Variants in RNF157 observed in about 807,000 individuals in gnomAD.
The protein encoded by RNF157 is E3 ubiquitin ligase RNF157.
A neutral mutation model predicts 88.3 loss-of-function variants in RNF157; 55 were observed. The observed-to-expected ratio is 0.62, with a 90% CI of 0.50 to 0.78. The LOEUF is 0.78. Ranked by LOEUF, RNF157 falls within the 30% of genes least tolerant of loss-of-function variation. The probability of loss-of-function intolerance (pLI) is 0.00; values close to 1 mark genes in which losing one functional copy is unlikely to be tolerated. For missense variants in RNF157, 788 were observed against 860.8 expected (o/e 0.92, Z 1.06); for synonymous variants, 334 against 341.2 (o/e 0.98, Z 0.23).
rs573747658 is a variant in RNF157, at chr17:76,160,212, T to C, written c.1066-639A>G. On this transcript the variant is annotated intron_variant, in intron 11 of 18. Coordinates refer to ENST00000269391, the MANE Select transcript of RNF157 (RefSeq NM_052916.3). The surrounding 1 kb of genome is among the most constrained non-coding windows in gnomAD (Gnocchi z 4.3). The stretch of plus-strand genomic sequence containing the variant: ...AGTTTTCTAACTATTCTCCTAGTGC[T>C]GGGAATCTAGTTGTGTCTAACACAT... Among the ~76,000 whole-genome samples, 8 of 152,260 alleles carry C rather than the reference T, an allele frequency of 5.3e-5. No individual in the cohort carries two copies. The highest frequency in any genetic ancestry group is 7.3e-5 in the Non-Finnish European group (5 of 68,048).
Position 76,167,132 on chromosome 17 carries a change from G to C in RNF157, c.444-6C>G. ...TGTTGTCTTTGGGAATGTAGCTATTGATACAAGTGGGAGGCAAAGCAAAAG... is the reference window on the plus strand; with the variant it reads ...TGTTGTCTTTGGGAATGTAGCTATTCATACAAGTGGGAGGCAAAGCAAAAG... On this transcript the variant is annotated splice_polypyrimidine_tract_variant and splice_region_variant and intron_variant, in intron 4 of 18. Coordinates refer to ENST00000269391, the MANE Select transcript of RNF157 (RefSeq NM_052916.3). 1 of 1,607,464 alleles carries C rather than the reference G, an allele frequency of 6.2e-7. No homozygotes were observed. Among genetic ancestry groups the C allele is most frequent in the Non-Finnish European group, 8.5e-7 (1 of 1,175,454 alleles).
chr17:76,220,173 C>G (rs2069956456), intron 1 of RNF157, among the ~76,000 whole-genome samples: 1 of 151,948 alleles, frequency 6.6e-6, no homozygotes, highest in East Asian at 1.9e-4. Context: ...AGGCCACATT[C>G]CAAGTCTGTG....
At chr17:76,162,242 A>T (rs574301085) in intron 9 of RNF157, 16 of 581,462 alleles carry the variant, frequency 2.8e-5, no homozygotes, top group South Asian at 2.4e-4. Flanking sequence ...TATAAGGCCC[A>T]GAGCTGGGCC....
chr17:76,178,883 G>A (rs895013169), intron 2 of RNF157, among the ~76,000 whole-genome samples: 1 of 151,856 alleles, frequency 6.6e-6, no homozygotes, highest in African/African-American at 2.4e-5. Context: ...GTTTGAACAC[G>A]TTCTACCTTT....
chr17:76,209,964 T>C (rs2069753648), intron 2 of RNF157, among the ~76,000 whole-genome samples: 1 of 152,070 alleles, frequency 6.6e-6, no homozygotes. Context: ...TTCACCACAT[T>C]GGTCAGGATG....
intron 1 of RNF157, among the ~76,000 whole-genome samples, chr17:76,215,262 A>G (rs2069868673): frequency 6.6e-6 from 1 of 152,120 alleles, no homozygotes; most frequent in Admixed American, 6.6e-5. Context: ...TGGGCAACTT[A>G]GCAAGCTTAG....
chr17:76,191,435 T>C (rs958933173), intron 2 of RNF157, among the ~76,000 whole-genome samples: 10 of 151,870 alleles, frequency 6.6e-5, no homozygotes, highest in African/African-American at 2.4e-4. Context: ...AAACCCTGTC[T>C]CTACTAAAAA....
intron 1 of RNF157, among the ~76,000 whole-genome samples, chr17:76,220,953 G>A (rs2145048515): frequency 8.2e-6 from 1 of 121,228 alleles, no homozygotes; most frequent in Admixed American, 8.4e-5. Flanking sequence ...GTGAGATGCT[G>A]TCTCAAAAAA....
intron 1 of RNF157, among the ~76,000 whole-genome samples, chr17:76,230,947 T>C (rs1211090931): frequency 6.6e-6 from 1 of 151,294 alleles, no homozygotes; most frequent in African/African-American, 2.4e-5. Context: ...TTTTTTTTTT[T>C]TCTTTTTTAA....
chr17:76,145,568 C>T, intron 18 of RNF157: 1 of 482,890 alleles, frequency 2.1e-6, no homozygotes, highest in Non-Finnish European at 3.7e-6. Context: ...GGGCTAGGTA[C>T]AGTCACTGCC....
chr17:76,164,819 T>C (rs1313603767), intron 7 of RNF157, 24 bp from the exon 8 acceptor site: 1 of 1,595,916 alleles, frequency 6.3e-7, no homozygotes, highest in Non-Finnish European at 8.6e-7. Flanking sequence ...ATGAAAGTTA[T>C]GACAAGGAAG....
intron 1 of RNF157, among the ~76,000 whole-genome samples, chr17:76,224,695 A>G (rs908919767): frequency 6.6e-6 from 1 of 151,560 alleles, no homozygotes; most frequent in Non-Finnish European, 1.5e-5. Context: ...AAATACACTA[A>G]CACTACTGAT....
chr17:76,197,061 G>A (rs143118765), intron 2 of RNF157, among the ~76,000 whole-genome samples: 1 of 152,096 alleles, frequency 6.6e-6, no homozygotes, highest in Non-Finnish European at 1.5e-5. Context: ...AACCTAAACC[G>A]GTTGATATCA....
At chr17:76,233,357 CTT>C (rs1417840352) in intron 1 of RNF157, among the ~76,000 whole-genome samples, 1 of 152,012 alleles carries the variant, frequency 6.6e-6, no homozygotes, top group East Asian at 1.9e-4. Context: ...TTTTTACTGT[CTT>C]TTGAGGTGGT....
chr17:76,165,803 A>C (rs1222964117), intron 6 of RNF157, among the ~76,000 whole-genome samples: 1 of 151,792 alleles, frequency 6.6e-6, no homozygotes, highest in Non-Finnish European at 1.5e-5. Flanking sequence ...CAGCCTCCCA[A>C]GTATCTGGGA....
At chr17:76,168,575 A>G (rs2068964935) in intron 3 of RNF157, among the ~76,000 whole-genome samples, 1 of 151,862 alleles carries the variant, frequency 6.6e-6, no homozygotes, top group Non-Finnish European at 1.5e-5. Flanking sequence ...GGTCCCTTGG[A>G]CTTGCTCCCA....
At chr17:76,172,607 C>CAAAAAAAAAAAAAAAAAAAAAA (rs35297368) in intron 3 of RNF157, among the ~76,000 whole-genome samples, 3 of 31,704 alleles carry the variant, frequency 9.5e-5, no homozygotes, top group Admixed American at 4.2e-4. Context: ...AACTCCATCT[C>CAAAAAAAAAAAAAAAAAAAAAA]AAAAAAAAAA....
intron 2 of RNF157, among the ~76,000 whole-genome samples, chr17:76,202,128 T>TCTCTCTCTCTCTCACA (rs1250661867): frequency 5.8e-4 from 78 of 134,652 alleles, no homozygotes; most frequent in African/African-American, 2.0e-3. Context: ...TCTCTCTCTC[T>TCTCTCTCTCTCTCACA]CACACACACA....
intron 2 of RNF157, among the ~76,000 whole-genome samples, chr17:76,210,950 G>A (rs911222057): frequency 5.3e-5 from 8 of 152,088 alleles, no homozygotes; most frequent in Non-Finnish European, 1.5e-5. Context: ...GATTATAGGG[G>A]TGTGCCACCA....
Sources: gnomAD v4.1 joint callset for allele counts (sites outside exome capture counted in the v4.1 genomes callset) on GRCh38, gnomAD v4.1.1 for gene constraint, Gnocchi (gnomAD v3.1) non-coding constraint, MANE v1.5 for transcripts, NCBI Gene and HGNC (gene_info 2026-07-23, HGNC 2026-07-21) for gene names.